RNF130: variants seen among roughly 807,000 people sequenced by gnomAD.
The protein encoded by RNF130 is ring finger protein 130, also known as E3 ubiquitin-protein ligase RNF130.
In RNF130, 21 loss-of-function variants were observed where a neutral mutation model predicts 44.6. That is an observed-to-expected ratio of 0.47 (90% CI 0.33 to 0.68). The LOEUF (loss-of-function observed/expected upper bound fraction) is 0.68, where lower values mean the gene tolerates loss of function less well. Among genes scored for constraint, RNF130 ranks in the 30% least tolerant of loss-of-function variants. The probability of loss-of-function intolerance (pLI) is 0.02; values close to 1 mark genes in which losing one functional copy is unlikely to be tolerated. For missense variants in RNF130, 479 were observed against 560.6 expected (o/e 0.85, Z 1.47); for synonymous variants, 214 against 210.4 (o/e 1.02, Z -0.15).
downstream of RNF130, among the ~76,000 whole-genome samples, chr5:179,950,139 G>A (rs2113688763): frequency 6.6e-6 from 1 of 151,986 alleles, no homozygotes; most frequent in East Asian, 1.9e-4. Context: ...TTGAGATAGA[G>A]TCTCACTCCA....
downstream of RNF130, among the ~76,000 whole-genome samples, chr5:179,954,098 G>A (rs1169994256): frequency 6.6e-6 from 1 of 152,182 alleles, no homozygotes; most frequent in Non-Finnish European, 1.5e-5. Context: ...GCAGTCACTG[G>A]TGTTATGGAG....
downstream of RNF130, among the ~76,000 whole-genome samples, chr5:179,953,444 G>A (rs971500824): frequency 1.8e-4 from 27 of 151,958 alleles, no homozygotes; most frequent in African/African-American, 6.3e-4. Context: ...TGAAACCAAT[G>A]GAAGAATTCA....
At chr5:180,048,346 C>T (rs149427846) in intron 1 of RNF130, among the ~76,000 whole-genome samples, 49 of 152,262 alleles carry the variant, frequency 3.2e-4, no homozygotes, top group Non-Finnish European at 6.2e-4. Context: ...GGTTGCTCTG[C>T]CCTGCTTCTA....
At chr5:179,984,665 T>C (rs187179989) in intron 3 of RNF130, among the ~76,000 whole-genome samples, 1 of 152,212 alleles carries the variant, frequency 6.6e-6, no homozygotes, top group Non-Finnish European at 1.5e-5. Context: ...AATTTGTGCA[T>C]CTATGTTCAA....
At chr5:180,013,335 ACT>A (rs1422535425) in intron 2 of RNF130, 24 bp from the exon 3 acceptor site, 1 of 1,569,930 alleles carries the variant, frequency 6.4e-7, no homozygotes, top group East Asian at 2.2e-5. Context: ...TAAATATATA[ACT>A]CAAGTGACAT....
chr5:179,920,470 TTG>T (rs898225993), intron 7 of RNF130: 22 of 694,640 alleles, frequency 3.2e-5, no homozygotes, highest in Admixed American at 4.1e-5. Flanking sequence ...GTCACCAGGC[TTG>T]TGTTTCTCAC....
chr5:180,033,925 G>A (rs905743658), intron 2 of RNF130, among the ~76,000 whole-genome samples: 1 of 152,136 alleles, frequency 6.6e-6, no homozygotes, highest in African/African-American at 2.4e-5. Flanking sequence ...CAAGAAAAAT[G>A]TTGAGTAAGT....
At chr5:180,059,441 C>G (rs1043583441) in intron 1 of RNF130, among the ~76,000 whole-genome samples, 13 of 152,206 alleles carry the variant, frequency 8.5e-5, no homozygotes, top group African/African-American at 2.4e-4. Flanking sequence ...CCCCACCAGA[C>G]AGCAACAGCA....
At chr5:180,068,639 C>A (rs745396963) in intron 1 of RNF130, among the ~76,000 whole-genome samples, 1 of 152,208 alleles carries the variant, frequency 6.6e-6, no homozygotes, top group Non-Finnish European at 1.5e-5. Flanking sequence ...GAAATTCACA[C>A]GTGCCAAACT....
chr5:180,051,774 T>C (rs1338055309), intron 1 of RNF130, among the ~76,000 whole-genome samples: 1 of 152,162 alleles, frequency 6.6e-6, no homozygotes, highest in African/African-American at 2.4e-5. Context: ...CTCCATGACA[T>C]AATAAAAAGC....
chr5:179,972,470 T>C (rs993963369), intron 5 of RNF130, among the ~76,000 whole-genome samples: 2 of 152,166 alleles, frequency 1.3e-5, no homozygotes, highest in East Asian at 1.9e-4. Context: ...AGACATATGA[T>C]GCTGTGACCT....
chr5:179,937,925 TGTGTGTGTGAGAGAGA>T (rs1305137749), intron 7 of RNF130, among the ~76,000 whole-genome samples: 68 of 136,322 alleles, frequency 5.0e-4, no homozygotes, highest in African/African-American at 1.4e-3. Context: ...TGTGTGTGTG[TGTGTGTGTGAGAGAGA>T]GAGAGAGAGA....
intron 3 of RNF130, among the ~76,000 whole-genome samples, chr5:180,001,997 A>C (rs1763356702): frequency 1.3e-5 from 2 of 152,204 alleles, no homozygotes; most frequent in African/African-American, 4.8e-5. Flanking sequence ...TGGCCAAGGC[A>C]CCAACTCCCC....
At chr5:180,060,459 A>T (rs996909787) in intron 1 of RNF130, among the ~76,000 whole-genome samples, 5 of 152,340 alleles carry the variant, frequency 3.3e-5, no homozygotes, top group South Asian at 2.1e-4. Flanking sequence ...CACATGCTAA[A>T]TGCAAAGTCA....
downstream of RNF130, among the ~76,000 whole-genome samples, chr5:179,952,185 G>A (rs544654606): frequency 1.1e-4 from 17 of 151,890 alleles, no homozygotes; most frequent in South Asian, 2.1e-3. Flanking sequence ...GTGACAGAGC[G>A]AGACATCTCA....
downstream of RNF130, among the ~76,000 whole-genome samples, chr5:179,951,551 T>G (rs1374906226): frequency 6.6e-6 from 1 of 152,072 alleles, no homozygotes; most frequent in Admixed American, 6.5e-5. Context: ...GCCCGGCTAA[T>G]TTTTTGTATT....
chr5:179,969,592 G>C (rs1328831850), intron 6 of RNF130, among the ~76,000 whole-genome samples: 1 of 152,100 alleles, frequency 6.6e-6, no homozygotes, highest in Non-Finnish European at 1.5e-5. Flanking sequence ...ACCATGCCAG[G>C]TGTGGTGACT....
intron 2 of RNF130, among the ~76,000 whole-genome samples, chr5:180,016,577 T>C (rs976662574): frequency 7.9e-5 from 12 of 152,194 alleles, no homozygotes; most frequent in Non-Finnish European, 1.6e-4. Context: ...GAGATGGCAA[T>C]CCAGTGAAAG....
intron 5 of RNF130, among the ~76,000 whole-genome samples, chr5:179,971,081 T>C (rs1164895961): frequency 2.0e-5 from 3 of 152,150 alleles, no homozygotes; most frequent in Non-Finnish European, 2.9e-5. Context: ...TCAGCTGAAA[T>C]GTTAACGGGG....
Sources: gnomAD v4.1 joint callset for allele counts (sites outside exome capture counted in the v4.1 genomes callset) on GRCh38, gnomAD v4.1.1 for gene constraint, MANE v1.5 for transcripts, NCBI Gene and HGNC (gene_info 2026-07-23, HGNC 2026-07-21) for gene names.